The following TNNI3K variants were observed in gnomAD, a reference collection of about 807,000 sequenced individuals.
The protein encoded by TNNI3K is TNNI3 interacting kinase.
In TNNI3K, 140 loss-of-function variants were observed where a neutral mutation model predicts 114.5. The ratio of observed to expected loss-of-function variants is 1.22; its 90% CI spans 1.07 to 1.41. The LOEUF (loss-of-function observed/expected upper bound fraction) is 1.41, where lower values mean the gene tolerates loss of function less well. Ranked by LOEUF, TNNI3K falls within the 40% of genes most tolerant of loss-of-function variation. TNNI3K has a pLI of 0.00. For synonymous variants in TNNI3K, 347 were observed against 347.5 expected (o/e 1.00, Z 0.02); for missense variants, 1,125 against 1,007.6 (o/e 1.12, Z -1.58).
At chr1:74,464,906 T>G in intron 21 of TNNI3K, 1 of 1,290,780 alleles carries the variant, frequency 7.7e-7, no homozygotes, top group Non-Finnish European at 9.8e-7. Context: ...GTTTGTTGAG[T>G]AAATGAATGA....
chr1:74,289,502 G>T (rs1657549432), intron 5 of TNNI3K, among the ~76,000 whole-genome samples: 1 of 3,314 alleles, frequency 3.0e-4, no homozygotes, highest in African/African-American at 1.0e-3. Context: ...AGTCTTTTAG[G>T]TCTGCATGCC....
chr1:74,387,687 CTG>C (rs1663557352), intron 17 of TNNI3K, among the ~76,000 whole-genome samples: 1 of 152,202 alleles, frequency 6.6e-6, no homozygotes, highest in East Asian at 1.9e-4. Flanking sequence ...AGCAGAAAGA[CTG>C]TGCACTTTGA....
At chr1:74,343,212 A>G in intron 9 of TNNI3K, 33 bp downstream of exon 9, 1 of 1,577,446 alleles carries the variant, frequency 6.3e-7, no homozygotes, top group Non-Finnish European at 8.6e-7. Context: ...TAGCCACTAA[A>G]CTTAGCTGAC....
At chr1:74,382,730 C>G (rs1387438051) in intron 17 of TNNI3K, among the ~76,000 whole-genome samples, 1 of 152,160 alleles carries the variant, frequency 6.6e-6, no homozygotes, top group Non-Finnish European at 1.5e-5. Flanking sequence ...TCACTAAACC[C>G]TCATTTAATG....
chr1:74,261,666 C>T (rs1054477138), intron 4 of TNNI3K, among the ~76,000 whole-genome samples: 1 of 151,994 alleles, frequency 6.6e-6, no homozygotes, highest in African/African-American at 2.4e-5. Context: ...CCTATTAGAC[C>T]ATCTAATTTA....
chr1:74,394,376 C>T (rs1042927839), intron 17 of TNNI3K, among the ~76,000 whole-genome samples: 5 of 152,036 alleles, frequency 3.3e-5, no homozygotes, highest in Admixed American at 6.5e-5. Flanking sequence ...AAGTGAATAA[C>T]TCTTATAAAT....
Position 74,315,556 on chromosome 1 carries a change from G to GT in TNNI3K, c.445-15883dup, listed in dbSNP as rs201390018. On this transcript the variant is annotated intron_variant, in intron 5 of 24. Transcript: ENST00000326637. ...TTTGACAAATAAAACCAAGTTTTTG[G>GT]TTTTTTTTTTTAACTGGATTTGTAG... Among the ~76,000 whole-genome samples the GT allele has an allele frequency of 1.0e-3, 150 of 145,064 alleles. 1 individual carries two copies. Among genetic ancestry groups the GT allele is most frequent in the African/African-American group, 2.5e-3 (99 of 39,756 alleles).
intron 3 of TNNI3K, 44 bp from the exon 4 acceptor site, chr1:74,250,628 C>T: frequency 6.3e-7 from 1 of 1,577,948 alleles, no homozygotes; most frequent in Non-Finnish European, 8.6e-7. Flanking sequence ...CAAACTCACC[C>T]CATCCCCACA....
chr1:74,300,964 C>T (rs574635127), intron 5 of TNNI3K, among the ~76,000 whole-genome samples: 6 of 152,156 alleles, frequency 3.9e-5, no homozygotes, highest in South Asian at 2.1e-4. Context: ...TACTGATCTA[C>T]GAGGTTCTAT....
At chr1:74,538,661 T>C (rs1389848917) in intron 23 of TNNI3K, among the ~76,000 whole-genome samples, 1 of 152,132 alleles carries the variant, frequency 6.6e-6, no homozygotes, top group African/African-American at 2.4e-5. Flanking sequence ...TATTCTTGGC[T>C]CCTCTGCCAT....
intron 20 of TNNI3K, among the ~76,000 whole-genome samples, chr1:74,453,338 A>C (rs45512293): frequency 0.016 from 2,494 of 152,312 alleles, 66 homozygotes; most frequent in African/African-American, 0.056. Flanking sequence ...GACAGTTACC[A>C]TGAATCAAGA....
chr1:74,503,805 T>C (rs554590250), intron 23 of TNNI3K, among the ~76,000 whole-genome samples: 59 of 152,314 alleles, frequency 3.9e-4, no homozygotes, highest in Middle Eastern at 6.8e-3. Flanking sequence ...TTTTACTAAT[T>C]AACAAAATCA....
chr1:74,315,898 A>T (rs1350861358), intron 5 of TNNI3K, among the ~76,000 whole-genome samples: 2 of 152,196 alleles, frequency 1.3e-5, no homozygotes, highest in African/African-American at 2.4e-5. Flanking sequence ...AATCAAGTTA[A>T]TCAACACTTA....
intron 4 of TNNI3K, among the ~76,000 whole-genome samples, chr1:74,266,957 CT>C (rs1656032821): frequency 6.6e-6 from 1 of 151,912 alleles, no homozygotes; most frequent in Admixed American, 6.6e-5. Flanking sequence ...GGATTTTCTT[CT>C]GCTTAAAAAT....
intron 17 of TNNI3K, among the ~76,000 whole-genome samples, chr1:74,387,706 C>T (rs1007298490): frequency 6.6e-6 from 1 of 152,126 alleles, no homozygotes; most frequent in African/African-American, 2.4e-5. Context: ...TTGAAGTCGG[C>T]GGTATCGAGG....
intron 9 of TNNI3K, among the ~76,000 whole-genome samples, chr1:74,346,818 A>G (rs1027044193): frequency 6.6e-6 from 1 of 151,702 alleles, no homozygotes; most frequent in Non-Finnish European, 1.5e-5. Context: ...CTTCTCCTGC[A>G]GCCTCTTCCC....
chr1:74,297,248 T>TG (rs1346155353), intron 5 of TNNI3K, among the ~76,000 whole-genome samples: 1 of 152,220 alleles, frequency 6.6e-6, no homozygotes, highest in Non-Finnish European at 1.5e-5. Context: ...TGTAGTCACA[T>TG]GTTGAATACT....
chr1:74,371,342 A>C (rs1172900313), intron 17 of TNNI3K: 1 of 151,848 alleles, frequency 6.6e-6, no homozygotes, highest in Non-Finnish European at 1.5e-5. Flanking sequence ...CATAGACTAC[A>C]TTCAGGGAGT....
intron 17 of TNNI3K, chr1:74,378,612 ATATATATATATATAT>A (rs1557531406): frequency 1.4e-5 from 1 of 71,094 alleles, no homozygotes; most frequent in African/African-American, 6.2e-5. Context: ...ATATATATAT[ATATATATATATATAT>A]ATATATATAT....
Sources: gnomAD v4.1 joint callset for allele counts (sites outside exome capture counted in the v4.1 genomes callset) on GRCh38, gnomAD v4.1.1 for gene constraint, MANE v1.5 for transcripts, NCBI Gene and HGNC (gene_info 2026-07-23, HGNC 2026-07-21) for gene names.